The following MAML3 variants were observed in gnomAD, a reference collection of about 807,000 sequenced individuals.
MAML3 encodes the protein mastermind like transcriptional coactivator 3.
In MAML3, 27 loss-of-function variants were observed where a neutral mutation model predicts 101.9. That is an observed-to-expected ratio of 0.27 (90% CI 0.20 to 0.37). The LOEUF is 0.37. MAML3 is among the 10% of genes least tolerant of loss of function. MAML3 has a pLI of 1.00. For missense variants in MAML3, 1,316 were observed against 1,444.9 expected, an observed-to-expected ratio of 0.91 and a Z score of 1.45; for synonymous variants, 501 against 555.9, an observed-to-expected ratio of 0.90 and a Z score of 1.39.
chr4:140,035,175 T>C (rs1367968108), intron 1 of MAML3, among the ~76,000 whole-genome samples: 1 of 152,138 alleles, frequency 6.6e-6, no homozygotes, highest in Non-Finnish European at 1.5e-5. Flanking sequence ...GGTTTCACCA[T>C]GTTGGCAAGG....
rs969022014 is a variant in MAML3, at chr4:140,077,737, G to A, written c.468+75123C>T. On this transcript the variant is annotated intron_variant, in intron 1 of 4. Transcript: ENST00000509479. The stretch of plus-strand genomic sequence containing the variant: ...AAAGCAGGGTTAAAAATAAAGAGAG[G>A]GGCCGGGTATGGTGGCTCACGCCTG... Among the ~76,000 whole-genome samples, 3 of 152,030 alleles carry A rather than the reference G, an allele frequency of 2.0e-5. No homozygotes were observed. In the South Asian group the frequency reaches 6.2e-4, roughly 32 times the overall value.
intron 2 of MAML3, among the ~76,000 whole-genome samples, chr4:139,795,159 G>A (rs1172345539): frequency 6.6e-6 from 1 of 152,174 alleles, no homozygotes; most frequent in African/African-American, 2.4e-5. Flanking sequence ...ATTCAGGAAA[G>A]GCTGAAAAAC....
chr4:139,927,105 G>A (rs114208516), intron 1 of MAML3, among the ~76,000 whole-genome samples: 8,347 of 100,248 alleles, frequency 0.083, 776 homozygotes, highest in African/African-American at 0.26. Context: ...TGTACTTTTC[G>A]TAGAGACAGG....
intron 2 of MAML3, among the ~76,000 whole-genome samples, chr4:139,775,672 G>T (rs750322398): frequency 2.6e-5 from 4 of 152,054 alleles, no homozygotes; most frequent in Non-Finnish European, 5.9e-5. Context: ...TTGATTTCAG[G>T]TTTGCATTTT....
At chr4:139,822,940 C>T (rs1185637861) in intron 2 of MAML3, among the ~76,000 whole-genome samples, 3 of 152,188 alleles carry the variant, frequency 2.0e-5, no homozygotes, top group Non-Finnish European at 4.4e-5. Flanking sequence ...CAAAACCAGG[C>T]AGGGGCCTGG....
intron 1 of MAML3, among the ~76,000 whole-genome samples, chr4:140,142,172 A>G (rs1244837808): frequency 2.6e-5 from 4 of 152,054 alleles, no homozygotes; most frequent in Admixed American, 2.6e-4. Context: ...AAAGAGAAAA[A>G]AGTGTATTTC....
At chr4:140,032,698 T>C (rs1009749883) in intron 1 of MAML3, among the ~76,000 whole-genome samples, 10 of 152,154 alleles carry the variant, frequency 6.6e-5, no homozygotes, top group Non-Finnish European at 1.5e-4. Context: ...AACTTAATAT[T>C]TGAACCCTCT....
At chr4:139,886,979 T>C (rs544009143) in intron 2 of MAML3, among the ~76,000 whole-genome samples, 4 of 152,342 alleles carry the variant, frequency 2.6e-5, no homozygotes, top group Admixed American at 6.5e-5. Context: ...GCTGAAGTCA[T>C]TCATTAAAAC....
intron 1 of MAML3, among the ~76,000 whole-genome samples, chr4:139,944,943 T>G (rs1004145330): frequency 5.3e-5 from 8 of 150,806 alleles, no homozygotes; most frequent in Non-Finnish European, 8.9e-5. Flanking sequence ...GCCATCCCAT[T>G]ACTGGGTATA....
intron 1 of MAML3, among the ~76,000 whole-genome samples, chr4:139,958,334 C>T (rs1187410239): frequency 6.6e-6 from 1 of 152,186 alleles, no homozygotes; most frequent in Non-Finnish European, 1.5e-5. Flanking sequence ...TTCATTTATT[C>T]TTTCAATAAA....
At chr4:139,997,150 A>T (rs555923045) in intron 1 of MAML3, among the ~76,000 whole-genome samples, 9 of 150,410 alleles carry the variant, frequency 6.0e-5, no homozygotes, top group Non-Finnish European at 1.0e-4. Context: ...ATATATATAC[A>T]CACACATTAT....
In MAML3 at chr4:139,826,935, AAT is replaced by A. The variant is rs201529054; in HGVS notation, c.2079+62420_2079+62421del. Among the ~76,000 whole-genome samples, 1,051 of 141,840 alleles carry A rather than the reference AAT, an allele frequency of 7.4e-3. 9 individuals are homozygous for A. Among genetic ancestry groups the A allele is most frequent in the African/African-American group, 0.025 (988 of 39,492 alleles). The allele number at this position is 141,840 out of a possible 152,430, so 93.1% of individuals were successfully genotyped here. A position where few individuals can be genotyped will look rare whatever the true frequency, so the allele number is the denominator to read the frequency against. ...AAACGCGCCACTGCAAATGAAATAA[AAT>A]AAGAAACAATGGAAGAATCACAACA... On this transcript the variant is annotated intron_variant, in intron 2 of 4. Coordinates refer to ENST00000509479, the MANE Select transcript of MAML3 (RefSeq NM_018717.5).
At chr4:139,841,464 G>A (rs6839843) in intron 2 of MAML3, among the ~76,000 whole-genome samples, 4,617 of 152,276 alleles carry the variant, frequency 0.03, 235 homozygotes, top group African/African-American at 0.1. Flanking sequence ...AGATGCAAGC[G>A]CCTTGCCTTG....
chr4:140,085,429 C>A (rs994497261), intron 1 of MAML3, among the ~76,000 whole-genome samples: 10 of 152,098 alleles, frequency 6.6e-5, no homozygotes, highest in African/African-American at 2.4e-4. Context: ...CATTCCCCAC[C>A]CCTGGTTACC....
intron 1 of MAML3, among the ~76,000 whole-genome samples, chr4:140,053,167 A>C (rs1287968122): frequency 6.6e-6 from 1 of 152,108 alleles, no homozygotes; most frequent in East Asian, 1.9e-4. Context: ...AGCCACCGAC[A>C]ACTGGTGCTC....
chr4:139,853,343 T>C (rs1280682612), intron 2 of MAML3, among the ~76,000 whole-genome samples: 3 of 152,202 alleles, frequency 2.0e-5, no homozygotes, highest in African/African-American at 7.2e-5. Flanking sequence ...CTTGTATATA[T>C]GTTCCAGGTA....
At chr4:139,943,163 G>A (rs1371587250) in intron 1 of MAML3, among the ~76,000 whole-genome samples, 7 of 152,134 alleles carry the variant, frequency 4.6e-5, no homozygotes, top group East Asian at 3.9e-4. Context: ...TTTGAATAGC[G>A]CCTCCCCCTT....
At chr4:139,829,400 G>A (rs1054415256) in intron 2 of MAML3, among the ~76,000 whole-genome samples, 1 of 152,186 alleles carries the variant, frequency 6.6e-6, no homozygotes, top group Non-Finnish European at 1.5e-5. Context: ...AGAAATAACT[G>A]GTGTGAAGCC....
At chr4:139,925,524 C>T (rs998296999) in intron 1 of MAML3, among the ~76,000 whole-genome samples, 4 of 152,070 alleles carry the variant, frequency 2.6e-5, no homozygotes, top group African/African-American at 7.2e-5. Flanking sequence ...GCCACTGGAT[C>T]CGGCCCCAGT....
Sources: allele counts gnomAD v4.1 joint callset (sites outside exome capture counted in the v4.1 genomes callset), GRCh38; gene constraint gnomAD v4.1.1; transcripts MANE v1.5; gene names NCBI Gene and HGNC (gene_info 2026-07-23, HGNC 2026-07-21).